The following LAMB3 variants were observed in gnomAD, a reference collection of about 807,000 sequenced individuals.
LAMB3 encodes laminin subunit beta 3.
In LAMB3, 104 loss-of-function variants were observed where a neutral mutation model predicts 140.3. The observed-to-expected ratio is 0.74, with a 90% CI of 0.63 to 0.87. LAMB3 has a LOEUF of 0.87. LAMB3 is among the 40% of genes least tolerant of loss of function. The probability of loss-of-function intolerance (pLI) is 0.00; values close to 1 mark genes in which losing one functional copy is unlikely to be tolerated. For missense variants in LAMB3, 1,531 were observed against 1,575.2 expected, an observed-to-expected ratio of 0.97 and a Z score of 0.47; for synonymous variants, 592 against 602.9, an observed-to-expected ratio of 0.98 and a Z score of 0.26.
At chr1:209,639,507 G>A (rs954947350) in intron 3 of LAMB3, among the ~76,000 whole-genome samples, 1 of 152,216 alleles carries the variant, frequency 6.6e-6, no homozygotes, top group African/African-American at 2.4e-5. Context: ...ACAGGAGCCA[G>A]AACTGAACCC....
In LAMB3 at chr1:209,643,135, G is replaced by C. The variant is rs117589814; in HGVS notation, c.184-4487C>G. Reference sequence around the variant, plus strand: ...GCTAGCAGGACAGAAGCCTGAAATAGAGTAGTTTATGGCAGAAGCCCACAT... The same window carrying C: ...GCTAGCAGGACAGAAGCCTGAAATACAGTAGTTTATGGCAGAAGCCCACAT... On this transcript the variant is annotated intron_variant, in intron 3 of 22. Transcript: ENST00000356082. Among the ~76,000 whole-genome samples, 142 of 152,372 alleles carry C rather than the reference G, an allele frequency of 9.3e-4. 2 individuals are homozygous for C. In the East Asian group the frequency reaches 0.013, roughly 14 times the overall value.
At chr1:209,650,235 G>T in intron 2 of LAMB3, 117 bp from the exon 3 acceptor site, 3 of 965,836 alleles carry the variant, frequency 3.1e-6, no homozygotes, top group Non-Finnish European at 4.8e-6. Context: ...CCTCACTCAA[G>T]CTTCCACTCG....
rs369368663 is a variant in LAMB3 at position 209,627,373 on chromosome 1, C to T, written c.1485+10G>A. On this transcript the variant is annotated intron_variant, in intron 12 of 22. Transcript: ENST00000356082. Reference sequence around the variant, plus strand: ...ACTGAGGGGGCCCCCGGACCACCCTCACTTCGTACCTGGTTGCACTGTGGG... The same window carrying T: ...ACTGAGGGGGCCCCCGGACCACCCTTACTTCGTACCTGGTTGCACTGTGGG... 14 of 1,606,760 alleles carry T rather than the reference C, an allele frequency of 8.7e-6. No homozygotes were observed. In the Admixed American group the frequency reaches 2.0e-4, roughly 23 times the overall value.
chr1:209,618,846 G>C (rs749418735), intron 18 of LAMB3, 187 bp from the exon 19 acceptor site: 1 of 654,736 alleles, frequency 1.5e-6, no homozygotes, highest in Non-Finnish European at 2.8e-6. Context: ...TGGGAATGCT[G>C]TAGGAGGATG....
intron 12 of LAMB3, 98 bp from the exon 13 acceptor site, chr1:209,627,076 A>C (rs1322012355): frequency 1.1e-6 from 1 of 934,546 alleles, no homozygotes; most frequent in Non-Finnish European, 1.7e-6. Flanking sequence ...CACAGGTAGA[A>C]TCCAGGGCTC....
intron 18 of LAMB3, among the ~76,000 whole-genome samples, chr1:209,619,284 T>C (rs1320553762): frequency 6.6e-6 from 1 of 152,216 alleles, no homozygotes; most frequent in East Asian, 1.9e-4. Flanking sequence ...CCAAACACTG[T>C]ACTCATTTAA....
chr1:209,647,641 G>C (rs1457190969), intron 3 of LAMB3, among the ~76,000 whole-genome samples: 1 of 152,152 alleles, frequency 6.6e-6, no homozygotes, highest in African/African-American at 2.4e-5. Context: ...GATAGGGAAG[G>C]GTGAAGGGAG....
chr1:209,632,909 A>T (rs757378794), intron 7 of LAMB3, 133 bp from the exon 8 acceptor site: 12 of 1,045,360 alleles, frequency 1.1e-5, no homozygotes, highest in Non-Finnish European at 1.8e-5. Flanking sequence ...ATCCCATAGC[A>T]TCCCACAGAC....
At chr1:209,625,496 A>G in intron 14 of LAMB3, 152 bp downstream of exon 14, 1 of 1,042,564 alleles carries the variant, frequency 9.6e-7, no homozygotes, top group Non-Finnish European at 1.5e-6. Context: ...CACCAGCCTC[A>G]CAGGACTGTT....
chr1:209,631,227 A>T (rs2236892), intron 8 of LAMB3, among the ~76,000 whole-genome samples: 18,842 of 152,250 alleles, frequency 0.12, 1,309 homozygotes, highest in Admixed American at 0.15. Flanking sequence ...TTGCCTTCCA[A>T]ATTAAGCCCA....
intron 9 of LAMB3, among the ~76,000 whole-genome samples, 183 bp from the exon 10 acceptor site, chr1:209,630,108 G>A (rs753524185): frequency 1.1e-4 from 17 of 152,182 alleles, no homozygotes; most frequent in Non-Finnish European, 1.9e-4. Context: ...CAATAAGAAA[G>A]CAGAGGAGAA....
At chr1:209,632,258 G>A (rs766750708) in intron 8 of LAMB3, among the ~76,000 whole-genome samples, 40 of 152,174 alleles carry the variant, frequency 2.6e-4, no homozygotes, top group Non-Finnish European at 4.7e-4. Context: ...TCTTAGGGTG[G>A]AGGGCTGGGC....
intron 3 of LAMB3, among the ~76,000 whole-genome samples, chr1:209,646,909 A>T (rs1399015730): frequency 6.6e-6 from 1 of 152,210 alleles, no homozygotes; most frequent in South Asian, 2.1e-4. Flanking sequence ...AATCACAGAC[A>T]TTTTCATCCA....
In LAMB3 at chr1:209,618,530, T is replaced by C. The variant is rs567776263; in HGVS notation, c.2831A>G (p.Asn944Ser). The change falls in exon 19 of 23, where the codon AAC becomes AGC. Residue 944 changes from asparagine to serine, a missense_variant. By Grantham distance (46) the Asn-to-Ser change is conservative. Coordinates refer to ENST00000356082, the MANE Select transcript of LAMB3 (RefSeq NM_000228.3). ...EIQAIAARLP[N>S]VDLVLSQTKQ... is the part of the protein sequence containing the mutation. ...GGTCTGGGACAGCACCAAGTCCACGTTGGGGAGCCTGGCTGCAATGGCCTG... is the reference window on the plus strand; with the variant it reads ...GGTCTGGGACAGCACCAAGTCCACGCTGGGGAGCCTGGCTGCAATGGCCTG... The C allele has an allele frequency of 8.4e-5, 136 of 1,614,246 alleles. 1 individual carries two copies. Among genetic ancestry groups the C allele is most frequent in the South Asian group, 3.4e-4 (31 of 91,092 alleles).
chr1:209,629,361 A>T (rs1666590994), intron 10 of LAMB3, among the ~76,000 whole-genome samples: 1 of 152,194 alleles, frequency 6.6e-6, no homozygotes, highest in South Asian at 2.1e-4. Context: ...ACCTCATTAC[A>T]ACATGGTAAA....
chr1:209,616,006 T>C (rs1160834739), intron 22 of LAMB3, among the ~76,000 whole-genome samples: 1 of 152,080 alleles, frequency 6.6e-6, no homozygotes, highest in African/African-American at 2.4e-5. Context: ...CTTATCCTAA[T>C]GTCCCTCCTC....
In LAMB3 at chr1:209,623,987, C is replaced by T. The variant is rs2102416572; in HGVS notation, c.1990G>A (p.Gly664Ser). Residue 664 changes from glycine to serine, a missense_variant, in exon 15 of 23, where the codon GGC (glycine) becomes AGC (serine). Gly to Ser is a moderately conservative substitution (Grantham distance 56). Transcript: ENST00000356082. This position sits in a 1 kb window ranked among gnomAD's most constrained non-coding sequence, Gnocchi z 4.2. The stretch of plus-strand genomic sequence containing the variant: ...TCCAGGGGCAGATCCAGCTGCAGGC[C>T]CTGGAGAGTTCGCCTGAGAAGGGAG... ...AILSLRRTLQ[G>S]LQLDLPLEEE... 6.2e-7 allele frequency: 1 copy of T among 1,613,548 alleles called. No individual in the cohort carries two copies. The highest frequency in any genetic ancestry group is 2.2e-5 in the East Asian group (1 of 44,878).
rs924569120 is a variant in LAMB3, at chr1:209,649,825, A to G, written c.183+139T>C. The G allele has an allele frequency of 8.5e-6, 8 of 945,632 alleles. No homozygotes were observed. The African/African-American group carries it at 1.1e-4, about 13-fold the overall frequency. 58.6% of individuals were successfully genotyped at this position (945,632 alleles called of 1,614,324 possible). A position where few individuals can be genotyped will look rare whatever the true frequency, so the allele number is the denominator to read the frequency against. On this transcript the variant is annotated intron_variant, in intron 3 of 22. Coordinates refer to ENST00000356082, the MANE Select transcript of LAMB3 (RefSeq NM_000228.3). ...CTTAGAGGCAAGGATCTGGCCTTAT[A>G]CTTTTACTGCACTCCCCAGTCCGTG...
In LAMB3 at chr1:209,630,733, G is replaced by A. The variant is rs1666656062; in HGVS notation, c.825C>T (p.Val275=). 1 of 1,613,888 alleles carries A rather than the reference G, an allele frequency of 6.2e-7. No homozygotes were observed. Among genetic ancestry groups the A allele is most frequent in the Admixed American group, 1.7e-5 (1 of 60,024 alleles). ...TGTGCTGGCAGACACAGACATCGTG[G>A]ACCTGGGAGGGGGACCGTCAGCCAT... The part of the protein sequence containing the change: ...ASAGPSTAVQ[V]HDVCVCQHNT... Residue 275 remains valine, a splice_region_variant and synonymous_variant, in exon 9 of 23, where the codon GTC becomes GTT. Transcript: ENST00000356082.
Sources: gnomAD v4.1 joint callset for allele counts (sites outside exome capture counted in the v4.1 genomes callset) on GRCh38, gnomAD v4.1.1 for gene constraint, Gnocchi (gnomAD v3.1) non-coding constraint, MANE v1.5 for transcripts, NCBI Gene and HGNC (gene_info 2026-07-23, HGNC 2026-07-21) for gene names.